TRAPPC10: variants seen among roughly 807,000 people sequenced by gnomAD.
The protein encoded by TRAPPC10 is TRAPP 130 kDa subunit.
In TRAPPC10, 23 loss-of-function variants were observed where a neutral mutation model predicts 125.5. The ratio of observed to expected loss-of-function variants is 0.18; its 90% CI spans 0.13 to 0.26. The LOEUF is 0.26. TRAPPC10 is among the 10% of genes least tolerant of loss of function. The pLI is 1.00. For synonymous variants in TRAPPC10, 509 were observed against 518.0 expected, an observed-to-expected ratio of 0.98 and a Z score of 0.24; for missense variants, 1,123 against 1,308.4, an observed-to-expected ratio of 0.86 and a Z score of 2.19.
chr21:44,047,912 C>A (rs927567945), intron 3 of TRAPPC10, among the ~76,000 whole-genome samples: 27 of 152,076 alleles, frequency 1.8e-4, no homozygotes, highest in African/African-American at 6.5e-4. Context: ...ATTACTGGGG[C>A]TATTTCTATT....
intron 3 of TRAPPC10, among the ~76,000 whole-genome samples, chr21:44,049,643 C>T (rs1305356104): frequency 6.6e-6 from 1 of 152,196 alleles, no homozygotes; most frequent in African/African-American, 2.4e-5. Flanking sequence ...TGGGGCCTCA[C>T]ATCTTGTTCT....
At chr21:44,092,806 C>T (rs1276991848) in intron 19 of TRAPPC10, among the ~76,000 whole-genome samples, 1 of 151,840 alleles carries the variant, frequency 6.6e-6, no homozygotes, top group Non-Finnish European at 1.5e-5. Flanking sequence ...TTTTATTTAT[C>T]TTTTTTTGAG....
At chr21:44,015,147 G>T (rs2147105537) in intron 1 of TRAPPC10, among the ~76,000 whole-genome samples, 1 of 152,246 alleles carries the variant, frequency 6.6e-6, no homozygotes, top group Non-Finnish European at 1.5e-5. Context: ...ATTCTTACTT[G>T]AAATGGTATT....
rs569151589 is a variant in TRAPPC10, at chr21:44,082,153, A to G, written c.1724-635A>G. On this transcript the variant is annotated intron_variant, in intron 13 of 22. Coordinates refer to ENST00000291574, the MANE Select transcript of TRAPPC10 (RefSeq NM_003274.5). This position sits in a 1 kb window ranked among gnomAD's most constrained non-coding sequence, Gnocchi z 4.4. ...CCTTTCGTTGATGAATATTTAATAA[A>G]TACTTAACTGGTCACTTCTGCAGCC... Among the ~76,000 whole-genome samples the G allele has an allele frequency of 6.6e-5, 10 of 152,354 alleles. No individual in the cohort carries two copies. The highest frequency in any genetic ancestry group is 2.4e-4 in the African/African-American group (10 of 41,580).
Position 44,086,892 on chromosome 21 carries a change from G to A in TRAPPC10, c.2471G>A (p.Ser824Asn), listed in dbSNP as rs2038172368. ...AAGAATGGAGACAGCCTGCAGCTTAGCAATGCCGAAGCCATGCTCATCCTG... is the reference window on the plus strand; with the variant it reads ...AAGAATGGAGACAGCCTGCAGCTTAACAATGCCGAAGCCATGCTCATCCTG... Reference protein sequence around the residue: ...TIKNGDSLQLSNAEAMLILCQ... With the variant: ...TIKNGDSLQLNNAEAMLILCQ... The change falls in exon 16 of 23, where the codon AGC becomes AAC. Residue 824 changes from serine to asparagine, a missense_variant. Coordinates refer to ENST00000291574, the MANE Select transcript of TRAPPC10 (RefSeq NM_003274.5). 11 of 1,614,096 alleles carry A rather than the reference G, an allele frequency of 6.8e-6. No individual in the cohort carries two copies. Among genetic ancestry groups the A allele is most frequent in the Non-Finnish European group, 9.3e-6 (11 of 1,180,048 alleles).
intron 13 of TRAPPC10, among the ~76,000 whole-genome samples, chr21:44,080,864 CT>C (rs925810305): frequency 2.1e-3 from 282 of 133,962 alleles, no homozygotes; most frequent in Non-Finnish European, 2.3e-3. Context: ...TAAGATGGTG[CT>C]TTTTTTTTTT....
chr21:44,092,087 A>G (rs2038624283), intron 19 of TRAPPC10, 38 bp downstream of exon 19: 1 of 1,608,466 alleles, frequency 6.2e-7, no homozygotes, highest in Non-Finnish European at 8.5e-7. Flanking sequence ...ACTTCTCAAC[A>G]GAGAACCAGA....
rs546460168 is a variant in TRAPPC10 at position 44,073,441 on chromosome 21, A to C, written c.1039-883A>C. Among the ~76,000 whole-genome samples the C allele has an allele frequency of 2.6e-5, 4 of 152,330 alleles. No homozygotes were observed. In the South Asian group the frequency reaches 8.3e-4, roughly 32 times the overall value. ...GTGTAAGATGCCACTTGATTAAGAG[A>C]AACATTCCTATTTCAGAAGTGCTAA... On this transcript the variant is annotated intron_variant, in intron 7 of 22. Coordinates refer to ENST00000291574, the MANE Select transcript of TRAPPC10 (RefSeq NM_003274.5).
At chr21:44,090,270 G>A (rs1481907127) in intron 18 of TRAPPC10, among the ~76,000 whole-genome samples, 1 of 152,016 alleles carries the variant, frequency 6.6e-6, no homozygotes, top group African/African-American at 2.4e-5. Flanking sequence ...TCCTCTGGAC[G>A]CCCGCCTTTC....
At chr21:44,054,729 T>G (rs1335519805) in intron 4 of TRAPPC10, among the ~76,000 whole-genome samples, 1 of 152,234 alleles carries the variant, frequency 6.6e-6, no homozygotes, top group African/African-American at 2.4e-5. Context: ...TAAGCCATGT[T>G]CTAAGCCTTT....
chr21:44,065,953 C>A (rs922177761), intron 7 of TRAPPC10, among the ~76,000 whole-genome samples: 1 of 152,298 alleles, frequency 6.6e-6, no homozygotes, highest in East Asian at 1.9e-4. Context: ...TTCCCTGCTC[C>A]CCTCCCAAAG....
chr21:44,036,671 A>ATC (rs2034007231), intron 2 of TRAPPC10, among the ~76,000 whole-genome samples: 1 of 152,234 alleles, frequency 6.6e-6, no homozygotes, highest in Non-Finnish European at 1.5e-5. Context: ...GATGTATCCC[A>ATC]ATACGAAGGC....
intron 19 of TRAPPC10, among the ~76,000 whole-genome samples, chr21:44,092,480 C>T (rs1270763852): frequency 6.6e-6 from 1 of 152,232 alleles, no homozygotes; most frequent in African/African-American, 2.4e-5. Flanking sequence ...TTATGGCTCG[C>T]TGCCTGGATG....
At chr21:44,037,611 G>T in intron 2 of TRAPPC10, among the ~76,000 whole-genome samples, 181 bp from the exon 3 acceptor site, 1 of 152,176 alleles carries the variant, frequency 6.6e-6, no homozygotes, top group East Asian at 1.9e-4. Context: ...ACCTGTACAC[G>T]TGAACTGTGT....
At chr21:44,077,285 A>C (rs140215969) in intron 10 of TRAPPC10, among the ~76,000 whole-genome samples, 2 of 152,352 alleles carry the variant, frequency 1.3e-5, no homozygotes, top group East Asian at 3.9e-4. Context: ...ATAATGTTAC[A>C]TTATTAGCAA....
Position 44,089,946 on chromosome 21 carries a change from T to C in TRAPPC10, c.2870+13T>C. The C allele has an allele frequency of 6.2e-7, 1 of 1,601,428 alleles. No individual in the cohort carries two copies. The highest frequency in any genetic ancestry group is 8.5e-7 in the Non-Finnish European group (1 of 1,169,702). On this transcript the variant is annotated intron_variant, in intron 18 of 22. Coordinates refer to ENST00000291574, the MANE Select transcript of TRAPPC10 (RefSeq NM_003274.5). Reference sequence around the variant, plus strand: ...CCTCAGGAACACGGTAACGGAGGCGTAGCGTGCGGGCCCTGGCTTCTTTCC... The same window carrying C: ...CCTCAGGAACACGGTAACGGAGGCGCAGCGTGCGGGCCCTGGCTTCTTTCC...
chr21:44,082,218 G>A lies in TRAPPC10; in HGVS notation c.1724-570G>A, dbSNP rs17004627. On this transcript the variant is annotated intron_variant, in intron 13 of 22. Coordinates refer to ENST00000291574, the MANE Select transcript of TRAPPC10 (RefSeq NM_003274.5). This position sits in a 1 kb window ranked among gnomAD's most constrained non-coding sequence, Gnocchi z 4.4. The stretch of plus-strand genomic sequence containing the variant: ...GACAAAACCAAGGTACTTACAGTTC[G>A]GTCAGAGAGAGAAGGGCCCAGAGAG... Among the ~76,000 whole-genome samples, 756 of 152,280 alleles carry A rather than the reference G, an allele frequency of 5.0e-3. 8 individuals are homozygous for A. Among genetic ancestry groups the A allele is most frequent in the African/African-American group, 0.018 (729 of 41,572 alleles).
In TRAPPC10 at chr21:44,032,163, A is replaced by T; in HGVS notation, c.140A>T (p.Glu47Val). 1 of 1,613,710 alleles carries T rather than the reference A, an allele frequency of 6.2e-7. No homozygotes were observed. Among genetic ancestry groups the T allele is most frequent in the Non-Finnish European group, 8.5e-7 (1 of 1,179,802 alleles). Residue 47 changes from glutamate (E) to valine (V), a missense_variant, in exon 2 of 23, where the codon GAA becomes GTA. Physicochemically the swap from Glu to Val is moderately radical, Grantham distance 121. Transcript: ENST00000291574. ...CAGCAGCTTCCAAGAGAACCAATGG[A>T]ATGGAGAAGGTATGAGTTGTGTGTT... is the stretch of plus-strand genomic sequence containing the variant. ...LSQQLPREPM[E>V]WRRSYGRAPK...
intron 3 of TRAPPC10, chr21:44,047,023 C>T (rs2034872271): frequency 1.3e-6 from 1 of 753,532 alleles, no homozygotes; most frequent in Non-Finnish European, 2.4e-6. Flanking sequence ...GAGTCCTTTC[C>T]CACCTTACTG....
Sources: allele counts gnomAD v4.1 joint callset (sites outside exome capture counted in the v4.1 genomes callset), GRCh38; gene constraint gnomAD v4.1.1; non-coding constraint Gnocchi (gnomAD v3.1); transcripts MANE v1.5; gene names NCBI Gene and HGNC (gene_info 2026-07-23, HGNC 2026-07-21).